The following CLTCL1 variants were observed in gnomAD, a reference collection of about 807,000 sequenced individuals.
CLTCL1 encodes clathrin heavy chain like 1.
Under a neutral mutation model 190.0 loss-of-function variants are expected in CLTCL1, and 159 were observed. That is an observed-to-expected ratio of 0.84 (90% CI 0.74 to 0.95). The LOEUF is 0.95. Among genes scored for constraint, CLTCL1 ranks in the 40% least tolerant of loss-of-function variants. The pLI, the probability that CLTCL1 is intolerant of heterozygous loss-of-function variation, is 0.00. For missense variants in CLTCL1, 1,878 were observed against 2,033.4 expected (o/e 0.92, Z 1.47); for synonymous variants, 752 against 769.6 (o/e 0.98, Z 0.38).
chr22:19,278,465 A>G (rs2087593523), intron 1 of CLTCL1, among the ~76,000 whole-genome samples: 1 of 152,166 alleles, frequency 6.6e-6, no homozygotes, highest in South Asian at 2.1e-4. Flanking sequence ...AGAGCAGCCC[A>G]TGAAGATGGA....
At chr22:19,290,745 C>A (rs1447079180) in intron 1 of CLTCL1, among the ~76,000 whole-genome samples, 1 of 152,180 alleles carries the variant, frequency 6.6e-6, no homozygotes, top group African/African-American at 2.4e-5. Flanking sequence ...ACTTTGTGGT[C>A]AAAAAGACTT....
chr22:19,222,158 C>T (rs556738590), intron 15 of CLTCL1, 65 bp from the exon 16 acceptor site: 50 of 1,563,454 alleles, frequency 3.2e-5, no homozygotes, highest in Admixed American at 6.9e-5. Context: ...AAGCCTCCTA[C>T]GACGTGGACA....
intron 11 of CLTCL1, among the ~76,000 whole-genome samples, chr22:19,227,712 C>A (rs2085795403): frequency 1.3e-5 from 2 of 152,096 alleles, no homozygotes; most frequent in South Asian, 4.1e-4. Flanking sequence ...CTTGGCCTCC[C>A]AAAGTGCTGG....
chr22:19,284,352 T>C (rs1465382595), intron 1 of CLTCL1, among the ~76,000 whole-genome samples: 1 of 152,186 alleles, frequency 6.6e-6, no homozygotes, highest in Non-Finnish European at 1.5e-5. Flanking sequence ...ATTTAGTTCA[T>C]CTACAGTTTT....
At chr22:19,196,164 G>C in intron 26 of CLTCL1, 102 bp downstream of exon 26, 1 of 1,173,996 alleles carries the variant, frequency 8.5e-7, no homozygotes, top group South Asian at 1.4e-5. Context: ...ACAGCATGGG[G>C]GCATGCTGGT....
intron 12 of CLTCL1, among the ~76,000 whole-genome samples, 185 bp downstream of exon 12, chr22:19,226,034 C>A (rs1357337855): frequency 6.6e-6 from 1 of 152,226 alleles, no homozygotes; most frequent in Non-Finnish European, 1.5e-5. Context: ...AGACATGCTG[C>A]TGAGCAGATA....
intron 1 of CLTCL1, among the ~76,000 whole-genome samples, chr22:19,277,997 A>C (rs1473954616): frequency 6.6e-6 from 1 of 152,148 alleles, no homozygotes; most frequent in East Asian, 1.9e-4. Context: ...GAACTCAAGG[A>C]AACACGTTTC....
intron 14 of CLTCL1, 108 bp downstream of exon 14, chr22:19,223,783 C>T: frequency 7.7e-7 from 1 of 1,307,128 alleles, no homozygotes; most frequent in Admixed American, 2.0e-5. Flanking sequence ...CTAAGGGGTC[C>T]CTGGCGAGAC....
chr22:19,183,639 G>C (rs1555926956), intron 29 of CLTCL1, 28 bp from the exon 30 acceptor site: 1 of 1,607,844 alleles, frequency 6.2e-7, no homozygotes, highest in East Asian at 2.2e-5. Flanking sequence ...GCTTGCTTGG[G>C]CATCCTGCAG....
chr22:19,275,751 C>A lies in CLTCL1; in HGVS notation c.122G>T (p.Arg41Leu), dbSNP rs375568935. ...CTGTGCCTGCTCACCAACTTTCTCT[C>A]GGATACATATGAACTTGTCAGATTC... is the stretch of plus-strand genomic sequence containing the variant. ...TMESDKFICIREKVGEQAQVT... is the reference protein window; with the variant it reads ...TMESDKFICILEKVGEQAQVT... Residue 41 changes from arginine (R) to leucine (L), a missense_variant, in exon 2 of 33, where the codon CGA (arginine) becomes CTA (leucine). Physicochemically the swap from Arg to Leu is moderately radical, Grantham distance 102. Transcript: ENST00000427926. 13 of 1,609,838 alleles carry A rather than the reference C, an allele frequency of 8.1e-6. No homozygotes were observed. In the East Asian group the frequency reaches 2.0e-4, roughly 25 times the overall value.
Position 19,196,272 on chromosome 22 carries a change from A to G in CLTCL1, c.4185T>C (p.Ile1395=). The part of the protein sequence containing the change: ...AWKEGQFKDI[I]TKVANVELCY... ...GCTCTGTATCCCCTCTTACCTTGGT[A>G]ATGATGTCCTTGAACTGACCCTCCT... The change falls in exon 26 of 33, where the codon ATT becomes ATC. Residue 1395 remains isoleucine, a synonymous_variant. Transcript: ENST00000427926. 6.2e-7 allele frequency: 1 copy of G among 1,613,086 alleles called. No individual in the cohort carries two copies. Among genetic ancestry groups the G allele is most frequent in the South Asian group, 1.1e-5 (1 of 91,078 alleles).
rs1372974262 is a variant in CLTCL1 at position 19,183,952 on chromosome 22, T to C, written c.4606-341A>G. On this transcript the variant is annotated intron_variant, in intron 29 of 32. Coordinates refer to ENST00000427926, the MANE Select transcript of CLTCL1 (RefSeq NM_007098.4). Reference sequence around the variant, plus strand: ...GGTTGTGGGGCTGCTGCAGAGGTGCTGCACTCAGGTCCATGGAGCGTGTGA... The same window carrying C: ...GGTTGTGGGGCTGCTGCAGAGGTGCCGCACTCAGGTCCATGGAGCGTGTGA... 2.3e-5 allele frequency: 9 copies of C among 392,246 alleles called. 1 individual carries two copies. The highest frequency in any genetic ancestry group is 1.2e-4 in the African/African-American group (6 of 48,890). 24.3% of individuals were successfully genotyped at this position (392,246 alleles called of 1,614,324 possible).
intron 22 of CLTCL1, among the ~76,000 whole-genome samples, chr22:19,205,454 G>A (rs1417013513): frequency 6.6e-6 from 1 of 152,222 alleles, no homozygotes; most frequent in African/African-American, 2.4e-5. Context: ...AGGATGCAGT[G>A]AGCTGAGATC....
In CLTCL1 at chr22:19,198,898, C is replaced by T. The variant is rs60699167; in HGVS notation, c.3873+836G>A. 2.2e-3 allele frequency among the ~76,000 whole-genome samples: 341 copies of T among 152,278 alleles called. 11 individuals are homozygous for T. The East Asian group carries it at 0.058, about 26-fold the overall frequency. On this transcript the variant is annotated intron_variant, in intron 24 of 32. Transcript: ENST00000427926. The surrounding 1 kb of genome is among the most constrained non-coding windows in gnomAD (Gnocchi z 4.1). The stretch of plus-strand genomic sequence containing the variant: ...TCAAAGATTTGCTGACTAAATTGTT[C>T]TTTTGTCAGCCCTGTACTGCTTGAT...
chr22:19,214,868 C>G (rs1370685349), intron 19 of CLTCL1, among the ~76,000 whole-genome samples: 1 of 152,102 alleles, frequency 6.6e-6, no homozygotes, highest in Non-Finnish European at 1.5e-5. Context: ...TTAGTAGAGA[C>G]AGGGTTTCAC....
At chr22:19,184,589 G>A (rs1220669151) in intron 29 of CLTCL1, 5 of 455,614 alleles carry the variant, frequency 1.1e-5, no homozygotes, top group African/African-American at 8.0e-5. Flanking sequence ...GGTGCCTTTG[G>A]GTCTCCGCTT....
At chr22:19,200,144 G>A (rs2084835834) in intron 23 of CLTCL1, among the ~76,000 whole-genome samples, 1 of 152,134 alleles carries the variant, frequency 6.6e-6, no homozygotes, top group South Asian at 2.1e-4. Flanking sequence ...TCAGGTTTGG[G>A]GTTTGAAAAG....
intron 18 of CLTCL1, among the ~76,000 whole-genome samples, chr22:19,219,552 C>T (rs1212683944): frequency 3.3e-5 from 5 of 151,798 alleles, no homozygotes; most frequent in African/African-American, 1.2e-4. Context: ...GGCACGATGT[C>T]GGCTCACTGC....
chr22:19,260,734 G>A (rs961214853), intron 2 of CLTCL1, among the ~76,000 whole-genome samples: 5 of 141,528 alleles, frequency 3.5e-5, no homozygotes, highest in East Asian at 2.1e-4. Context: ...AGCCAATATC[G>A]TGCCACTGCA....
Sources: gnomAD v4.1 joint callset for allele counts (sites outside exome capture counted in the v4.1 genomes callset) on GRCh38, gnomAD v4.1.1 for gene constraint, Gnocchi (gnomAD v3.1) non-coding constraint, MANE v1.5 for transcripts, NCBI Gene and HGNC (gene_info 2026-07-23, HGNC 2026-07-21) for gene names.